The following TENM3 variants were observed in gnomAD, a reference collection of about 807,000 sequenced individuals.
The protein encoded by TENM3 is teneurin transmembrane protein 3.
Under a neutral mutation model 255.1 loss-of-function variants are expected in TENM3, and 63 were observed. The ratio of observed to expected loss-of-function variants is 0.25; its 90% CI spans 0.20 to 0.30. TENM3 has a LOEUF of 0.30. Among genes scored for constraint, TENM3 ranks in the 10% least tolerant of loss-of-function variants. TENM3 has a pLI of 1.00. For synonymous variants in TENM3, 1,306 were observed against 1,322.3 expected, an observed-to-expected ratio of 0.99 and a Z score of 0.27; for missense variants, 2,929 against 3,461.1, an observed-to-expected ratio of 0.85 and a Z score of 3.86.
the TENM3 span, chr4:181,830,054 C>T: frequency 1.3e-5 from 2 of 152,314 alleles, no homozygotes; most frequent in East Asian, 1.9e-4. Flanking sequence ...GAGAGAAAAG[C>T]ACACTAGTAA....
chr4:182,286,706 A>G (rs961045679), intron 1 of TENM3, among the ~76,000 whole-genome samples: 1 of 152,148 alleles, frequency 6.6e-6, no homozygotes, highest in Non-Finnish European at 1.5e-5. Context: ...GGTAAATTCC[A>G]GGTAATACGA....
intron 3 of TENM3, among the ~76,000 whole-genome samples, chr4:182,381,886 A>T (rs1422444054): frequency 6.6e-6 from 1 of 152,104 alleles, no homozygotes; most frequent in Non-Finnish European, 1.5e-5. Flanking sequence ...CTTAATGAAG[A>T]GCTGATGTTA....
chr4:181,802,966 C>G, the TENM3 span, among the ~76,000 whole-genome samples: 1 of 152,206 alleles, frequency 6.6e-6, no homozygotes, highest in African/African-American at 2.4e-5. Context: ...TGCTACATTT[C>G]AGTCATCTGG....
chr4:182,758,990 T>G (rs1762934285), intron 22 of TENM3, among the ~76,000 whole-genome samples: 1 of 152,236 alleles, frequency 6.6e-6, no homozygotes, highest in Non-Finnish European at 1.5e-5. Flanking sequence ...ATTAAAGCTT[T>G]TGTAGGATAG....
chr4:181,927,798 C>G, the TENM3 span, among the ~76,000 whole-genome samples: 1 of 152,156 alleles, frequency 6.6e-6, no homozygotes, highest in Admixed American at 6.5e-5. Flanking sequence ...TGGCAGGTGT[C>G]CCTCTGAGAC....
At chr4:182,729,885 A>G (rs890348434) in intron 14 of TENM3, among the ~76,000 whole-genome samples, 3 of 152,208 alleles carry the variant, frequency 2.0e-5, no homozygotes, top group Non-Finnish European at 2.9e-5. Context: ...TGAGCACCAT[A>G]TATATGACTT....
the TENM3 span, among the ~76,000 whole-genome samples, chr4:182,100,185 G>T: frequency 6.6e-6 from 1 of 151,456 alleles, no homozygotes; most frequent in Non-Finnish European, 1.5e-5. Context: ...CCCCATGTTT[G>T]CAGAGCGTGG....
At chr4:182,654,793 T>G (rs1753616000) in intron 6 of TENM3, among the ~76,000 whole-genome samples, 2 of 152,196 alleles carry the variant, frequency 1.3e-5, no homozygotes, top group African/African-American at 4.8e-5. Flanking sequence ...TTTAATGAAC[T>G]TATTATATGT....
chr4:181,829,328 T>C, the TENM3 span, among the ~76,000 whole-genome samples: 3 of 152,212 alleles, frequency 2.0e-5, no homozygotes, highest in African/African-American at 7.2e-5. Context: ...GATGTTTCTG[T>C]CTAAAATGTT....
chr4:182,144,515 G>GCCCTCCCCTCCCGCGTCCC (rs1749753432), upstream of TENM3: 1 of 150,456 alleles, frequency 6.6e-6, no homozygotes, highest in Admixed American at 6.6e-5. Flanking sequence ...GCGCGCGGGC[G>GCCCTCCCCTCCCGCGTCCC]CCCTCCCCTC....
intron 3 of TENM3, among the ~76,000 whole-genome samples, chr4:182,415,613 T>C (rs1213558321): frequency 6.6e-6 from 1 of 152,220 alleles, no homozygotes; most frequent in Non-Finnish European, 1.5e-5. Flanking sequence ...GTAAGCTTTA[T>C]TAGCTTAGAG....
At chr4:181,635,905 G>A in the TENM3 span, among the ~76,000 whole-genome samples, 1 of 152,088 alleles carries the variant, frequency 6.6e-6, no homozygotes, top group African/African-American at 2.4e-5. Flanking sequence ...CCATTCTTGT[G>A]GCAACTGGGG....
At chr4:182,041,051 AT>A in the TENM3 span, among the ~76,000 whole-genome samples, 1 of 152,170 alleles carries the variant, frequency 6.6e-6, no homozygotes, top group South Asian at 2.1e-4. Flanking sequence ...TTTCTTCAAT[AT>A]TACCAGAAGC....
chr4:182,080,972 C>G, the TENM3 span, among the ~76,000 whole-genome samples: 1 of 151,998 alleles, frequency 6.6e-6, no homozygotes, highest in Non-Finnish European at 1.5e-5. Flanking sequence ...GCCTGGGTGA[C>G]AGAGCAACAC....
chr4:182,421,765 A>G (rs1770847934), intron 3 of TENM3, among the ~76,000 whole-genome samples: 1 of 152,202 alleles, frequency 6.6e-6, no homozygotes, highest in African/African-American at 2.4e-5. Context: ...AACAATCTAA[A>G]TGCTGTCTAA....
At chr4:181,897,072 G>T in the TENM3 span, among the ~76,000 whole-genome samples, 1 of 152,130 alleles carries the variant, frequency 6.6e-6, no homozygotes, top group African/African-American at 2.4e-5. Flanking sequence ...TCCTGAAAAG[G>T]CTCGATTCCT....
At chr4:182,407,572 T>G (rs997519325) in intron 3 of TENM3, among the ~76,000 whole-genome samples, 24 of 152,202 alleles carry the variant, frequency 1.6e-4, no homozygotes, top group Non-Finnish European at 1.2e-4. Context: ...ACCTGAGACC[T>G]TAAGCATTTG....
the TENM3 span, among the ~76,000 whole-genome samples, chr4:181,994,919 G>A: frequency 6.6e-6 from 1 of 152,134 alleles, no homozygotes; most frequent in East Asian, 1.9e-4. Context: ...TGTCTCCGTT[G>A]TATTATAAAG....
chr4:182,562,408 C>A (rs550126424), intron 3 of TENM3, among the ~76,000 whole-genome samples: 1 of 152,276 alleles, frequency 6.6e-6, no homozygotes, highest in African/African-American at 2.4e-5. Context: ...TTTAGGACTT[C>A]TATCCTCCAC....
Sources: gnomAD v4.1 joint callset for allele counts (sites outside exome capture counted in the v4.1 genomes callset) on GRCh38, gnomAD v4.1.1 for gene constraint, MANE v1.5 for transcripts, NCBI Gene and HGNC (gene_info 2026-07-23, HGNC 2026-07-21) for gene names.